SAP130: variants seen among roughly 807,000 people sequenced by gnomAD.
SAP130 encodes Sin3A associated protein 130.
SAP130 carries 16 observed loss-of-function variants against 103.2 expected under a neutral mutation model. The ratio of observed to expected loss-of-function variants is 0.16; its 90% confidence interval spans 0.10 to 0.24. The LOEUF (loss-of-function observed/expected upper bound fraction) is 0.24, where lower values mean the gene tolerates loss of function less well. Among genes scored for constraint, SAP130 ranks in the 10% least tolerant of loss-of-function variants. The probability of loss-of-function intolerance (pLI) is 1.00; values close to 1 mark genes in which losing one functional copy is unlikely to be tolerated. For missense variants in SAP130, 990 were observed against 1,359.7 expected, an observed-to-expected ratio of 0.73 and a Z score of 4.28; for synonymous variants, 477 against 497.0, an observed-to-expected ratio of 0.96 and a Z score of 0.53.
At chr2:128,025,543 A>G (rs2105266740) in intron 2 of SAP130, among the ~76,000 whole-genome samples, 1 of 152,346 alleles carries the variant, frequency 6.6e-6, no homozygotes, top group Non-Finnish European at 1.5e-5. Context: ...CCCTGCTTGC[A>G]TCTGTACTAA....
chr2:127,944,630 C>T (rs1489006407), intron 19 of SAP130, among the ~76,000 whole-genome samples: 1 of 152,018 alleles, frequency 6.6e-6, no homozygotes, highest in Non-Finnish European at 1.5e-5. Flanking sequence ...GGGGTTTCAC[C>T]ATGTTGGCCA....
At chr2:127,984,949 C>T (rs965431310) in intron 14 of SAP130, among the ~76,000 whole-genome samples, 2 of 152,204 alleles carry the variant, frequency 1.3e-5, no homozygotes, top group African/African-American at 4.8e-5. Flanking sequence ...AGAGCCCCTT[C>T]CTTCGCCCCC....
intron 14 of SAP130, among the ~76,000 whole-genome samples, chr2:127,982,505 A>C (rs76016420): frequency 6.6e-6 from 1 of 152,130 alleles, no homozygotes; most frequent in African/African-American, 2.4e-5. Flanking sequence ...TTCTCAAAAA[A>C]GGAGCAATTT....
chr2:127,944,260 T>C (rs1379233967), intron 19 of SAP130, among the ~76,000 whole-genome samples: 1 of 152,008 alleles, frequency 6.6e-6, no homozygotes, highest in Non-Finnish European at 1.5e-5. Flanking sequence ...GGCCTCAAAC[T>C]CCTGGGCCCA....
intron 1 of SAP130, among the ~76,000 whole-genome samples, chr2:128,027,616 GGGCC>G (rs1353619896): frequency 6.7e-6 from 1 of 149,150 alleles, no homozygotes; most frequent in Middle Eastern, 3.6e-3. Flanking sequence ...CAAACTCCCT[GGGCC>G]GGCCGCCCGC....
intron 2 of SAP130, among the ~76,000 whole-genome samples, chr2:128,023,151 C>T (rs1283073501): frequency 1.3e-5 from 2 of 152,134 alleles, no homozygotes; most frequent in Non-Finnish European, 2.9e-5. Context: ...CCCACCACCA[C>T]GCCCAGCTAA....
chr2:127,951,158 G>A (rs1320471106), intron 16 of SAP130, among the ~76,000 whole-genome samples: 1 of 152,176 alleles, frequency 6.6e-6, no homozygotes, highest in Non-Finnish European at 1.5e-5. Flanking sequence ...ATTGACAGAG[G>A]CAGTCTGGCT....
chr2:127,993,038 TAA>T (rs1310941109), intron 12 of SAP130, 147 bp downstream of exon 12: 1 of 1,022,454 alleles, frequency 9.8e-7, no homozygotes, highest in Non-Finnish European at 1.5e-6. Flanking sequence ...GATGATTATT[TAA>T]GACCTTCAAG....
chr2:127,969,199 A>C (rs1175988388), intron 15 of SAP130, among the ~76,000 whole-genome samples: 2 of 152,174 alleles, frequency 1.3e-5, no homozygotes. Flanking sequence ...ACAGCACACC[A>C]TTCTACATAA....
At chr2:127,993,121 CA>C in intron 12 of SAP130, 65 bp downstream of exon 12, 1 of 1,573,626 alleles carries the variant, frequency 6.4e-7, no homozygotes, top group Non-Finnish European at 8.7e-7. Flanking sequence ...AACCCCTCAT[CA>C]ATTTCTACAT....
intron 7 of SAP130, 30 bp from the exon 8 acceptor site, chr2:128,000,484 T>C (rs1559084933): frequency 7.4e-6 from 12 of 1,612,762 alleles, no homozygotes; most frequent in Non-Finnish European, 1.0e-5. Flanking sequence ...ACAATGCAGA[T>C]GGGCAAGGTC....
At chr2:127,987,050 G>C (rs1682454522) in intron 13 of SAP130, 88 bp from the exon 14 acceptor site, 1 of 1,157,580 alleles carries the variant, frequency 8.6e-7, no homozygotes, top group African/African-American at 1.5e-5. Flanking sequence ...GAGACCACTA[G>C]AATTAGGTAT....
At chr2:127,995,470 C>T (rs1208878318) in intron 11 of SAP130, among the ~76,000 whole-genome samples, 1 of 152,144 alleles carries the variant, frequency 6.6e-6, no homozygotes, top group Non-Finnish European at 1.5e-5. Flanking sequence ...AAAAGCAAAT[C>T]TACAAGGCCG....
At chr2:127,962,499 C>A (rs1680326502) in intron 15 of SAP130, among the ~76,000 whole-genome samples, 1 of 152,156 alleles carries the variant, frequency 6.6e-6, no homozygotes, top group Non-Finnish European at 1.5e-5. Flanking sequence ...AAACGATAGA[C>A]TGGATTAAGC....
At position 127,989,820 on chromosome 2, in the gene SAP130, A is replaced by T. The variant is rs1682662947; in HGVS notation, c.1524T>A (p.Val508=). 6.2e-7 allele frequency: 1 copy of T among 1,614,074 alleles called. No homozygotes were observed. The highest frequency in any genetic ancestry group is 1.3e-5 in the African/African-American group (1 of 74,924). The change falls in exon 13 of 21, where the codon GTT becomes GTA. Residue 508 remains valine (V), a synonymous_variant. Coordinates refer to ENST00000643581, the MANE Select transcript of SAP130 (RefSeq NM_001330301.2). This position sits in a 1 kb window ranked among gnomAD's most constrained non-coding sequence, Gnocchi z 4.6. ...PNSAITAQTG[V]GVASTVHLNP... ...TTAGGTGGACGGTAGACGCTACCCC[A>T]ACACCAGTCTGAGCTGTGATGGCAG...
At chr2:127,956,583 TAGG>T (rs1679854507) in intron 15 of SAP130, among the ~76,000 whole-genome samples, 1 of 147,738 alleles carries the variant, frequency 6.8e-6, no homozygotes, top group Non-Finnish European at 1.5e-5. Flanking sequence ...GGGACAGCAT[TAGG>T]AGATCTACCT....
intron 2 of SAP130, among the ~76,000 whole-genome samples, chr2:128,023,565 G>T (rs1045726113): frequency 6.6e-6 from 1 of 152,048 alleles, no homozygotes; most frequent in African/African-American, 2.4e-5. Flanking sequence ...AGATCAAGAG[G>T]TCAGGAGATC....
intron 1 of SAP130, chr2:128,027,207 G>T: frequency 8.2e-7 from 1 of 1,216,210 alleles, no homozygotes; most frequent in Non-Finnish European, 1.0e-6. Flanking sequence ...GAGGGATCGC[G>T]GCGGCGGCGC....
At chr2:128,014,735 A>T (rs1684653831) in intron 5 of SAP130, 68 bp downstream of exon 5, 2 of 1,080,248 alleles carry the variant, frequency 1.9e-6, no homozygotes, top group South Asian at 1.3e-5. Context: ...ATTCTGTGTT[A>T]CGTATTTTAC....
Sources: gnomAD v4.1 joint callset for allele counts (sites outside exome capture counted in the v4.1 genomes callset) on GRCh38, gnomAD v4.1.1 for gene constraint, Gnocchi (gnomAD v3.1) non-coding constraint, MANE v1.5 for transcripts, NCBI Gene and HGNC (gene_info 2026-07-23, HGNC 2026-07-21) for gene names.